Variants in SYT1 observed in about 807,000 individuals in gnomAD.
SYT1 encodes the protein synaptotagmin 1.
A neutral mutation model predicts 44.8 loss-of-function variants in SYT1; 8 were observed. The ratio of observed to expected loss-of-function variants is 0.18; its 90% CI spans 0.10 to 0.32. The LOEUF (loss-of-function observed/expected upper bound fraction) is 0.32. SYT1 is among the 10% of genes least tolerant of loss of function. SYT1 has a pLI of 1.00. For missense variants in SYT1, 286 were observed against 509.3 expected, an observed-to-expected ratio of 0.56 and a Z score of 4.22; for synonymous variants, 154 against 188.8, an observed-to-expected ratio of 0.82 and a Z score of 1.51.
intron 3 of SYT1, among the ~76,000 whole-genome samples, chr12:79,179,519 CTATATA>C (rs1565842477): frequency 1.7e-5 from 1 of 59,228 alleles, no homozygotes; most frequent in Non-Finnish European, 3.0e-5. Context: ...ATAGATATAT[CTATATA>C]GATATAGATA....
In SYT1 at chr12:79,058,976, A is replaced by G. The variant is rs540437007; in HGVS notation, c.-18+11614A>G. On this transcript the variant is annotated intron_variant, in intron 3 of 10. Transcript: ENST00000261205. ...ATTAGTCTGTTCTCACACTGCTAAT[A>G]AAGACATACCCAAGACTGGGTAATT... Among the ~76,000 whole-genome samples, 26 of 152,186 alleles carry G rather than the reference A, an allele frequency of 1.7e-4. No homozygotes were observed. In the East Asian group the frequency reaches 4.6e-3, roughly 27 times the overall value.
intron 4 of SYT1, among the ~76,000 whole-genome samples, chr12:79,257,909 G>C (rs1420674352): frequency 6.6e-6 from 1 of 152,112 alleles, no homozygotes; most frequent in Non-Finnish European, 1.5e-5. Flanking sequence ...ACTGTATATA[G>C]TGGGTTAAAA....
At chr12:79,193,239 A>T (rs1873236870) in intron 3 of SYT1, among the ~76,000 whole-genome samples, 1 of 152,220 alleles carries the variant, frequency 6.6e-6, no homozygotes, top group South Asian at 2.1e-4. Flanking sequence ...TTTTTACAAA[A>T]ATGAAATAGA....
intron 9 of SYT1, among the ~76,000 whole-genome samples, chr12:79,415,990 T>C (rs1391995034): frequency 2.6e-5 from 4 of 152,240 alleles, no homozygotes; most frequent in Admixed American, 2.6e-4. Flanking sequence ...CGAAGCTGTT[T>C]ACATTAGTAA....
chr12:79,041,339 C>G (rs1873554276), intron 2 of SYT1, among the ~76,000 whole-genome samples: 3 of 152,320 alleles, frequency 2.0e-5, no homozygotes, highest in African/African-American at 7.2e-5. Flanking sequence ...AGGTCCTTCA[C>G]ATCCCCTGTA....
intron 9 of SYT1, among the ~76,000 whole-genome samples, chr12:79,374,617 G>A (rs1368847713): frequency 6.6e-6 from 1 of 152,208 alleles, no homozygotes; most frequent in African/African-American, 2.4e-5. Context: ...GTCACCAGAA[G>A]GATAGGAATG....
chr12:79,277,425 A>G (rs1025900159), intron 4 of SYT1, among the ~76,000 whole-genome samples: 2 of 152,216 alleles, frequency 1.3e-5, no homozygotes, highest in Non-Finnish European at 2.9e-5. Context: ...ACTAAATTTC[A>G]TAAATAAAGG....
At chr12:79,259,792 T>A (rs573913586) in intron 4 of SYT1, among the ~76,000 whole-genome samples, 38 of 152,304 alleles carry the variant, frequency 2.5e-4, no homozygotes, top group African/African-American at 8.4e-4. Context: ...TGTGGAGCCA[T>A]ATGGGGCAAA....
At chr12:79,375,861 A>AC in intron 9 of SYT1, among the ~76,000 whole-genome samples, 1 of 152,292 alleles carries the variant, frequency 6.6e-6, no homozygotes, top group East Asian at 1.9e-4. Flanking sequence ...TGGAAAAAAA[A>AC]AATCAACTCA....
At chr12:79,027,707 A>G (rs904051435) in intron 2 of SYT1, among the ~76,000 whole-genome samples, 8 of 151,558 alleles carry the variant, frequency 5.3e-5, no homozygotes, top group African/African-American at 1.9e-4. Flanking sequence ...ATAATATTCT[A>G]TGGATATTTT....
rs528013934 is a variant in SYT1, at chr12:79,350,314, G to A, written c.811-3188G>A. 4.2e-3 allele frequency among the ~76,000 whole-genome samples: 624 copies of A among 147,348 alleles called. 4 individuals are homozygous for A. The highest frequency in any genetic ancestry group is 8.8e-3 in the African/African-American group (350 of 39,670). ...GTCGCCCAGGCTGGAGTGCAGTGGC[G>A]CGATCTCGGCTCACTGCAAGCTCCG... is the stretch of plus-strand genomic sequence containing the variant. On this transcript the variant is annotated intron_variant, in intron 8 of 10. Coordinates refer to ENST00000261205, the MANE Select transcript of SYT1 (RefSeq NM_005639.3).
intron 9 of SYT1, among the ~76,000 whole-genome samples, chr12:79,383,825 A>G (rs1266024474): frequency 6.6e-6 from 1 of 152,204 alleles, no homozygotes; most frequent in African/African-American, 2.4e-5. Context: ...AAAAGATGCA[A>G]ATCACTCTTT....
chr12:79,116,262 T>C (rs1390449432), intron 3 of SYT1, among the ~76,000 whole-genome samples: 6 of 152,200 alleles, frequency 3.9e-5, no homozygotes, highest in Non-Finnish European at 7.3e-5. Flanking sequence ...AGTACTACTA[T>C]GTCTATTGGG....
At chr12:79,249,045 G>A in intron 4 of SYT1, among the ~76,000 whole-genome samples, 1 of 148,148 alleles carries the variant, frequency 6.8e-6, no homozygotes, top group Middle Eastern at 3.2e-3. Flanking sequence ...GTTGTTGAAG[G>A]GCAACCACTA....
At chr12:78,939,485 C>T (rs1483027815) in intron 1 of SYT1, among the ~76,000 whole-genome samples, 1 of 152,196 alleles carries the variant, frequency 6.6e-6, no homozygotes, top group Non-Finnish European at 1.5e-5. Flanking sequence ...TAGGTCATGG[C>T]TTTGGAATCA....
chr12:79,034,949 A>G (rs1281220291), intron 2 of SYT1, among the ~76,000 whole-genome samples: 1 of 151,622 alleles, frequency 6.6e-6, no homozygotes, highest in Non-Finnish European at 1.5e-5. Flanking sequence ...TTTTATTTCT[A>G]CAGTTGTTCT....
intron 4 of SYT1, among the ~76,000 whole-genome samples, chr12:79,267,606 G>T (rs1245441109): frequency 6.6e-6 from 1 of 152,222 alleles, no homozygotes; most frequent in Middle Eastern, 3.2e-3. Context: ...TTCATAGGAT[G>T]AATGGATTTC....
At chr12:78,871,918 A>T (rs1873841009) in intron 1 of SYT1, among the ~76,000 whole-genome samples, 1 of 151,844 alleles carries the variant, frequency 6.6e-6, no homozygotes, top group East Asian at 1.9e-4. Flanking sequence ...AATGTTCAGA[A>T]TCCGAGGCCA....
At chr12:79,414,729 T>C (rs1393038816) in intron 9 of SYT1, among the ~76,000 whole-genome samples, 1 of 152,158 alleles carries the variant, frequency 6.6e-6, no homozygotes, top group Non-Finnish European at 1.5e-5. Context: ...AGAAAGGCAC[T>C]GACTCTAAGG....
Sources: allele counts gnomAD v4.1 joint callset (sites outside exome capture counted in the v4.1 genomes callset), GRCh38; gene constraint gnomAD v4.1.1; transcripts MANE v1.5; gene names NCBI Gene and HGNC (gene_info 2026-07-23, HGNC 2026-07-21).